The following YEATS2 variants were observed in gnomAD, a reference collection of about 807,000 sequenced individuals.
YEATS2 encodes YEATS domain-containing protein 2.
In YEATS2, 77 loss-of-function variants were observed where a neutral mutation model predicts 163.2. That is an observed-to-expected ratio of 0.47 (90% CI 0.39 to 0.57). The LOEUF (loss-of-function observed/expected upper bound fraction) is 0.57. Ranked by LOEUF, YEATS2 falls within the 20% of genes least tolerant of loss-of-function variation. The pLI is 0.00. For synonymous variants in YEATS2, 631 were observed against 645.1 expected, an observed-to-expected ratio of 0.98 and a Z score of 0.33; for missense variants, 1,549 against 1,729.8, an observed-to-expected ratio of 0.90 and a Z score of 1.85.
At chr3:183,755,767 T>A (rs1167784388) in intron 11 of YEATS2, among the ~76,000 whole-genome samples, 3 of 102,430 alleles carry the variant, frequency 2.9e-5, no homozygotes, top group Admixed American at 1.3e-4. Context: ...TTTTTTTTTT[T>A]TTTGAGACAG....
intron 30 of YEATS2, 172 bp from the exon 31 acceptor site, chr3:183,810,303 A>G: frequency 5.2e-6 from 3 of 576,700 alleles, no homozygotes; most frequent in South Asian, 4.3e-5. Context: ...TCTCATGCCT[A>G]TGACAGGAAG....
intron 8 of YEATS2, among the ~76,000 whole-genome samples, chr3:183,747,160 C>CT (rs958228282): frequency 6.6e-6 from 1 of 151,780 alleles, no homozygotes. Flanking sequence ...TGTTTTCATT[C>CT]TTTTTTTTAA....
chr3:183,793,439 T>C, intron 21 of YEATS2: 1 of 999,278 alleles, frequency 1.0e-6, no homozygotes, highest in Non-Finnish European at 1.2e-6. Flanking sequence ...GGCCCTGTGT[T>C]GGATACTGGA....
intron 12 of YEATS2, among the ~76,000 whole-genome samples, chr3:183,757,847 A>T (rs896356044): frequency 9.2e-5 from 14 of 152,014 alleles, no homozygotes; most frequent in African/African-American, 3.4e-4. Flanking sequence ...ACTGTGTTCA[A>T]GGCTTACCCA....
At chr3:183,777,957 CA>C (rs1467257314) in intron 19 of YEATS2, among the ~76,000 whole-genome samples, 1 of 151,582 alleles carries the variant, frequency 6.6e-6, no homozygotes, top group Admixed American at 6.6e-5. Flanking sequence ...ACTAAAAATA[CA>C]AAAATTAGCC....
At chr3:183,779,052 A>G (rs1391385738) in intron 19 of YEATS2, among the ~76,000 whole-genome samples, 1 of 152,066 alleles carries the variant, frequency 6.6e-6, no homozygotes, top group Non-Finnish European at 1.5e-5. Context: ...CTGCGATTAC[A>G]GGAGTCCACC....
Position 183,780,758 on chromosome 3 carries a change from A to G in YEATS2, c.2736+3058A>G, listed in dbSNP as rs141559835. Reference sequence around the variant, plus strand: ...TCTCAGCATTTAGCTAATCAAGTGGATAAATCTTTTTTATTATAAAGGATT... The same window carrying G: ...TCTCAGCATTTAGCTAATCAAGTGGGTAAATCTTTTTTATTATAAAGGATT... On this transcript the variant is annotated intron_variant, in intron 19 of 30. Coordinates refer to ENST00000305135, the MANE Select transcript of YEATS2 (RefSeq NM_018023.5). Among the ~76,000 whole-genome samples, 444 of 152,364 alleles carry G rather than the reference A, an allele frequency of 2.9e-3. 3 individuals carry two copies. Among genetic ancestry groups the G allele is most frequent in the African/African-American group, 0.01 (433 of 41,588 alleles).
chr3:183,716,086 A>G (rs1409678065), intron 2 of YEATS2, among the ~76,000 whole-genome samples: 1 of 151,932 alleles, frequency 6.6e-6, no homozygotes. Context: ...CAGCCTCCCG[A>G]GTAGCTGGGA....
At chr3:183,778,514 G>A (rs1417737200) in intron 19 of YEATS2, among the ~76,000 whole-genome samples, 4 of 152,178 alleles carry the variant, frequency 2.6e-5, no homozygotes, top group Non-Finnish European at 4.4e-5. Flanking sequence ...GCACCACCAT[G>A]CCCAGCTAAT....
rs143571622 is a variant in YEATS2 at position 183,760,613 on chromosome 3, C to T, written c.1657-894C>T. 2.4e-4 allele frequency among the ~76,000 whole-genome samples: 37 copies of T among 152,264 alleles called. No individual in the cohort carries two copies. The East Asian group carries it at 6.6e-3, about 27-fold the overall frequency. On this transcript the variant is annotated intron_variant, in intron 13 of 30. Coordinates refer to ENST00000305135, the MANE Select transcript of YEATS2 (RefSeq NM_018023.5). ...CTGGGATTACAGGCGTGAGCCGCTG[C>T]GCCTGGCCAGAACTACAGAAGTTTT...
At chr3:183,785,741 A>T (rs1282056954) in intron 19 of YEATS2, among the ~76,000 whole-genome samples, 1 of 152,226 alleles carries the variant, frequency 6.6e-6, no homozygotes, top group Non-Finnish European at 1.5e-5. Flanking sequence ...AATTTAGAAG[A>T]CCATTAACCT....
intron 10 of YEATS2, 25 bp from the exon 11 acceptor site, chr3:183,754,101 C>T (rs780890189): frequency 6.6e-6 from 10 of 1,513,020 alleles, no homozygotes; most frequent in Admixed American, 2.1e-5. Context: ...GATGACTTGC[C>T]GTTTGCCTCT....
At chr3:183,768,689 A>G (rs949976455) in intron 15 of YEATS2, among the ~76,000 whole-genome samples, 6 of 152,180 alleles carry the variant, frequency 3.9e-5, no homozygotes, top group African/African-American at 1.4e-4. Flanking sequence ...TCATGCAGTT[A>G]GAACACAGAT....
In YEATS2 at chr3:183,717,353, T is replaced by C. The variant is rs1344973568; in HGVS notation, c.101-298T>C. Among the ~76,000 whole-genome samples the C allele has an allele frequency of 2.0e-5, 3 of 152,190 alleles. No homozygotes were observed. The East Asian group carries it at 5.8e-4, about 29-fold the overall frequency. ...TATTTAAATAGAATAGGCCAATAAT[T>C]TTATAGAATGTCTTTCAGTTTGAGT... On this transcript the variant is annotated intron_variant, in intron 2 of 30. Coordinates refer to ENST00000305135, the MANE Select transcript of YEATS2 (RefSeq NM_018023.5).
intron 15 of YEATS2, among the ~76,000 whole-genome samples, chr3:183,764,368 TAAAAA>T (rs11452949): frequency 9.5e-5 from 10 of 105,236 alleles, no homozygotes; most frequent in Admixed American, 4.7e-4. Context: ...AAACTCTGTT[TAAAAA>T]AAAAAAAAAA....
At chr3:183,802,519 A>ATATATATAAACACGTG (rs1560335098) in intron 25 of YEATS2, 1 of 62,294 alleles carries the variant, frequency 1.6e-5, no homozygotes, top group Non-Finnish European at 4.2e-5. Context: ...GTATACATGT[A>ATATATATAAACACGTG]TATATATATA....
chr3:183,752,843 G>A (rs1720330934), intron 10 of YEATS2, among the ~76,000 whole-genome samples: 2 of 150,800 alleles, frequency 1.3e-5, no homozygotes, highest in Admixed American at 1.3e-4. Context: ...TGTTGCCCAG[G>A]CTGGAGTGCA....
Position 183,810,673 on chromosome 3 carries a change from AG to A in YEATS2, c.*91del. The A allele has an allele frequency of 8.1e-7, 1 of 1,240,236 alleles. No homozygotes were observed. Among genetic ancestry groups the A allele is most frequent in the South Asian group, 1.3e-5 (1 of 77,910 alleles). 76.8% of individuals were successfully genotyped at this position (1,240,236 alleles called of 1,614,324 possible). On this transcript the variant is annotated 3_prime_UTR_variant, in exon 31 of 31. Transcript: ENST00000305135. ...GCTGCTCGGGAAGGAGGTGGTTTCC[AG>A]TGTGACTCGGCATGTCATGGCTACC... is the stretch of plus-strand genomic sequence containing the variant.
At position 183,810,375 on chromosome 3, in the gene YEATS2, G is replaced by T; in HGVS notation, c.4161-100G>T. On this transcript the variant is annotated intron_variant, in intron 30 of 30. Transcript: ENST00000305135. ...GTGGCTCAGGAGCCCTCTCCACGGG[G>T]CCTCTGCCTGGGATGGTCCCTGTGA... 6 of 1,079,006 alleles carry T rather than the reference G, an allele frequency of 5.6e-6. No individual in the cohort carries two copies. In the South Asian group the frequency reaches 7.2e-5, roughly 13 times the overall value. The allele number at this position is 1,079,006 out of a possible 1,614,324, so 66.8% of individuals were successfully genotyped here.
Sources: gnomAD v4.1 joint callset for allele counts (sites outside exome capture counted in the v4.1 genomes callset) on GRCh38, gnomAD v4.1.1 for gene constraint, MANE v1.5 for transcripts, NCBI Gene and HGNC (gene_info 2026-07-23, HGNC 2026-07-21) for gene names.